Variants in MTERF4 observed in about 807,000 individuals in gnomAD.
MTERF4 encodes mitochondrial transcription termination factor 4, also known as transcription termination factor 4, mitochondrial.
Under a neutral mutation model 22.5 loss-of-function variants are expected in MTERF4, and 17 were observed. The observed-to-expected ratio is 0.75, with a 90% CI of 0.52 to 1.13. The LOEUF (loss-of-function observed/expected upper bound fraction) is 1.13, where lower values mean the gene tolerates loss of function less well. MTERF4 is among the 50% of genes most tolerant of loss of function. MTERF4 has a pLI of 0.00. For missense variants in MTERF4, 420 were observed against 466.8 expected, an observed-to-expected ratio of 0.90 and a Z score of 0.92; for synonymous variants, 165 against 175.3, an observed-to-expected ratio of 0.94 and a Z score of 0.47.
chr2:241,053,683 T>C, the MTERF4 span, among the ~76,000 whole-genome samples: 1 of 152,168 alleles, frequency 6.6e-6, no homozygotes, highest in Non-Finnish European at 1.5e-5. Flanking sequence ...TACCTCTTAC[T>C]CCTGGCCCCT....
the MTERF4 span, among the ~76,000 whole-genome samples, chr2:241,066,379 CA>C: frequency 2.0e-5 from 3 of 152,176 alleles, no homozygotes; most frequent in Non-Finnish European, 4.4e-5. Flanking sequence ...AGTGGACGGA[CA>C]GGGGCAGGGC....
At position 241,099,405 on chromosome 2, in the gene MTERF4, G is replaced by A. The variant is rs770495170; in HGVS notation, c.511C>T (p.Leu171Phe). 1.2e-6 allele frequency: 2 copies of A among 1,612,728 alleles called. No homozygotes were observed. The highest frequency in any genetic ancestry group is 3.3e-5 in the Admixed American group (2 of 59,910). ...KRSSYLQKLGLGEGKLKRVLY... is the reference protein window; with the variant it reads ...KRSSYLQKLGFGEGKLKRVLY... The stretch of plus-strand genomic sequence containing the variant: ...CTGCAACTTCTTGTACCTTCTCCAA[G>A]CCCAAGCTTTTGCAGGTAACTGGAG... The change falls in exon 2 of 4, where the codon CTT becomes TTT. Residue 171 changes from leucine (L) to phenylalanine (F), a missense_variant. Transcript: ENST00000391980.
chr2:241,088,698 T>C (rs879814899), downstream of MTERF4: 1 of 418,084 alleles, frequency 2.4e-6, no homozygotes, highest in Non-Finnish European at 4.3e-6. Flanking sequence ...AAGAAACCCC[T>C]AGATCAGCTG....
chr2:241,084,173 GT>G (rs1257148960), downstream of MTERF4, among the ~76,000 whole-genome samples: 1 of 113,400 alleles, frequency 8.8e-6, no homozygotes, highest in African/African-American at 3.7e-5. Context: ...TCTCCCTCTT[GT>G]CCCCCAGGCT....
chr2:241,048,732 C>T, the MTERF4 span: 1 of 1,612,550 alleles, frequency 6.2e-7, no homozygotes, highest in Non-Finnish European at 8.5e-7. Flanking sequence ...TCTGCCAGTG[C>T]CCCCTGGGAT....
the MTERF4 span, among the ~76,000 whole-genome samples, chr2:241,055,287 CAG>C: frequency 6.6e-6 from 1 of 152,124 alleles, no homozygotes; most frequent in African/African-American, 2.4e-5. Flanking sequence ...CACAGAACGT[CAG>C]ACAGGAGCAA....
the MTERF4 span, among the ~76,000 whole-genome samples, chr2:241,057,764 A>T: frequency 2.0e-5 from 3 of 152,228 alleles, no homozygotes; most frequent in Admixed American, 2.0e-4. Context: ...GAGACCATAA[A>T]AAAATATATT....
downstream of MTERF4, among the ~76,000 whole-genome samples, chr2:241,086,412 T>C (rs916335006): frequency 2.0e-5 from 3 of 152,192 alleles, no homozygotes; most frequent in Admixed American, 1.3e-4. Flanking sequence ...AACTTCAATC[T>C]CTGTTTCCTC....
At position 241,099,764 on chromosome 2, in the gene MTERF4, A is replaced by C; in HGVS notation, c.152T>G (p.Val51Gly). Residue 51 changes from valine (V) to glycine (G), a missense_variant, in exon 2 of 4, where the codon GTC becomes GGC. By Grantham distance (109) the Val-to-Gly change is moderately radical. Transcript: ENST00000391980. ...TCTAACACAAGATAACTCCTCAATG[A>C]CCCCTCCATTGGAGGCTGTAGTCAG... ...RKLTTASNGG[V>G]IEELSCVRSN... 1 of 1,613,952 alleles carries C rather than the reference A, an allele frequency of 6.2e-7. No individual in the cohort carries two copies. Among genetic ancestry groups the C allele is most frequent in the Non-Finnish European group, 8.5e-7 (1 of 1,179,988 alleles).
chr2:241,049,887 C>T, the MTERF4 span: 10 of 1,613,876 alleles, frequency 6.2e-6, no homozygotes, highest in Non-Finnish European at 8.5e-6. Flanking sequence ...ACGACTCCTA[C>T]ACCTGCGAGT....
rs1215399300 is a variant in MTERF4 at position 241,075,225 on chromosome 2, A to T, written n.937T>A. 6.6e-6 allele frequency: 1 copy of T among 152,178 alleles called. No individual in the cohort carries two copies. The highest frequency in any genetic ancestry group is 6.6e-5 in the Admixed American group (1 of 15,258). 9.4% of individuals were successfully genotyped at this position (152,178 alleles called of 1,614,324 possible). Reference sequence around the variant, plus strand: ...GTGGATGTTCCTGTACAGGTTTTCCAGTACGTGTGCGGGAGTGGAAAAGCT... The same window carrying T: ...GTGGATGTTCCTGTACAGGTTTTCCTGTACGTGTGCGGGAGTGGAAAAGCT... On this transcript the variant is annotated non_coding_transcript_exon_variant, in exon 5 of 5. Transcript: ENST00000464344. The surrounding 1 kb of genome is among the most constrained non-coding windows in gnomAD (Gnocchi z 4.8).
downstream of MTERF4, chr2:241,088,410 C>A: frequency 6.2e-7 from 1 of 1,608,462 alleles, no homozygotes; most frequent in Non-Finnish European, 8.5e-7. Flanking sequence ...AAGGTACGTC[C>A]CTGCTGCTCC....
the MTERF4 span, chr2:241,064,738 TCCA>T: frequency 2.6e-6 from 2 of 767,656 alleles, no homozygotes; most frequent in African/African-American, 1.9e-5. This position sits in a 1 kb window ranked among gnomAD's most constrained non-coding sequence, Gnocchi z 7.0. Flanking sequence ...CCCCCGCCCC[TCCA>T]CACCCACGCA....
the MTERF4 span, chr2:241,052,188 G>A: frequency 1.9e-6 from 3 of 1,583,006 alleles, no homozygotes; most frequent in South Asian, 1.1e-5. Context: ...GGCCAGGGCG[G>A]CCAGGGGTGA....
the MTERF4 span, among the ~76,000 whole-genome samples, chr2:241,065,949 G>T: frequency 3.9e-5 from 6 of 151,924 alleles, no homozygotes; most frequent in Non-Finnish European, 8.8e-5. Flanking sequence ...CCGCGGGGGT[G>T]GGCTTGGGGG....
Position 241,073,201 on chromosome 2 carries a change from T to G in MTERF4, n.2961A>C. The G allele has an allele frequency of 1.7e-6, 2 of 1,189,926 alleles. No individual in the cohort carries two copies. Among genetic ancestry groups the G allele is most frequent in the Middle Eastern group, 4.7e-4 (2 of 4,264 alleles). The allele number at this position is 1,189,926 out of a possible 1,614,324, so 73.7% of individuals were successfully genotyped here. A position where few individuals can be genotyped will look rare whatever the true frequency, so the allele number is the denominator to read the frequency against. On this transcript the variant is annotated non_coding_transcript_exon_variant, in exon 5 of 5. Coordinates refer to the MTERF4 transcript ENST00000464344. The surrounding 1 kb of genome is among the most constrained non-coding windows in gnomAD (Gnocchi z 6.6). ...TGAGATATAGAAGCACTCAAAAGGG[T>G]GGCCCCAGGACCATCCCGGGTGCAA... is the stretch of plus-strand genomic sequence containing the variant.
the MTERF4 span, among the ~76,000 whole-genome samples, chr2:241,045,827 C>T: frequency 6.6e-6 from 1 of 151,886 alleles, no homozygotes; most frequent in Admixed American, 6.5e-5. Flanking sequence ...AAATTTAAAA[C>T]TTTTGCTTTG....
downstream of MTERF4, chr2:241,082,145 T>C: frequency 1.5e-6 from 1 of 680,722 alleles, no homozygotes. Flanking sequence ...CCCCGGGCCC[T>C]CTCCCACCAT....
At chr2:241,084,043 T>G (rs2063459534), downstream of MTERF4, among the ~76,000 whole-genome samples, 1 of 152,098 alleles carries the variant, frequency 6.6e-6, no homozygotes, top group African/African-American at 2.4e-5. Flanking sequence ...TGTTTAGAGG[T>G]TGCTCTGGGA....
Sources: allele counts gnomAD v4.1 joint callset (sites outside exome capture counted in the v4.1 genomes callset), GRCh38; gene constraint gnomAD v4.1.1; non-coding constraint Gnocchi (gnomAD v3.1); transcripts MANE v1.5; gene names NCBI Gene and HGNC (gene_info 2026-07-23, HGNC 2026-07-21).